Variants in IGFL2 observed in about 807,000 individuals in gnomAD.
IGFL2 encodes IGF like family member 2.
A neutral mutation model predicts 13.9 loss-of-function variants in IGFL2; 7 were observed. The observed-to-expected ratio is 0.51, with a 90% CI of 0.29 to 0.95. The LOEUF (loss-of-function observed/expected upper bound fraction) is 0.95. Among genes scored for constraint, IGFL2 ranks in the 40% least tolerant of loss-of-function variants. IGFL2 has a pLI of 0.08. For missense variants in IGFL2, 138 were observed against 147.8 expected, an observed-to-expected ratio of 0.93 and a Z score of 0.34; for synonymous variants, 55 against 55.8, an observed-to-expected ratio of 0.99 and a Z score of 0.07.
chr19:46,107,900 C>T, the IGFL2 span, among the ~76,000 whole-genome samples: 2,115 of 152,200 alleles, frequency 0.014, 53 homozygotes, highest in African/African-American at 0.048. Context: ...TGAAAAAGAG[C>T]CTAAATGCTA....
chr19:46,149,548 C>T (rs185492846), intron 1 of IGFL2, among the ~76,000 whole-genome samples: 81 of 152,048 alleles, frequency 5.3e-4, no homozygotes, highest in African/African-American at 1.9e-3. Context: ...CCTCTACCCT[C>T]ACCCTTGGCA....
chr19:46,080,951 C>T, the IGFL2 span, among the ~76,000 whole-genome samples: 2,049 of 152,308 alleles, frequency 0.013, 32 homozygotes, highest in Middle Eastern at 0.027. Context: ...CATTGATGGA[C>T]GGGAACCTGA....
the IGFL2 span, among the ~76,000 whole-genome samples, chr19:46,123,421 A>C: frequency 6.6e-6 from 1 of 151,066 alleles, no homozygotes; most frequent in Non-Finnish European, 1.5e-5. Flanking sequence ...TACCAGTTTT[A>C]AGTAAAGTAA....
the IGFL2 span, among the ~76,000 whole-genome samples, chr19:46,091,046 T>C: frequency 6.6e-6 from 1 of 152,220 alleles, no homozygotes; most frequent in African/African-American, 2.4e-5. Context: ...CTCTCTTCAA[T>C]GCATCTTTTC....
At chr19:46,182,621 C>G in the IGFL2 span, among the ~76,000 whole-genome samples, 3 of 152,188 alleles carry the variant, frequency 2.0e-5, no homozygotes, top group African/African-American at 7.2e-5. Flanking sequence ...GTTCCGTGCA[C>G]TGAACTTGTT....
chr19:46,213,355 C>T, the IGFL2 span: 1 of 152,712 alleles, frequency 6.5e-6, no homozygotes, highest in Non-Finnish European at 1.5e-5. Flanking sequence ...TGCAGGAGGG[C>T]CAGACATGCC....
chr19:46,191,648 C>G, the IGFL2 span, among the ~76,000 whole-genome samples: 1 of 152,008 alleles, frequency 6.6e-6, no homozygotes, highest in Non-Finnish European at 1.5e-5. Context: ...CTTTTTTTCT[C>G]CAAAAGAAAG....
chr19:46,139,889 A>G (rs1421061306), upstream of IGFL2, among the ~76,000 whole-genome samples: 5 of 151,890 alleles, frequency 3.3e-5, no homozygotes, highest in African/African-American at 9.7e-5. Flanking sequence ...TTATATGTGT[A>G]TATGTATATA....
At chr19:46,148,193 G>C, upstream of IGFL2, 5 of 1,268,056 alleles carry the variant, frequency 3.9e-6, no homozygotes, top group South Asian at 6.5e-5. Context: ...CCTAAATGTG[G>C]ATAAGTTCAT....
chr19:46,114,618 G>A, the IGFL2 span, among the ~76,000 whole-genome samples: 2 of 152,028 alleles, frequency 1.3e-5, no homozygotes, highest in Non-Finnish European at 2.9e-5. Flanking sequence ...TTCTTTTCTC[G>A]TGATAGTGAG....
At chr19:46,139,231 G>A (rs189659739), upstream of IGFL2, among the ~76,000 whole-genome samples, 215 of 151,172 alleles carry the variant, frequency 1.4e-3, 2 homozygotes, top group African/African-American at 4.9e-3. Context: ...CCTTCCTTTC[G>A]AAGATCTGCT....
chr19:46,164,203 GTGGT>G (rs1568436594), downstream of IGFL2: 2 of 151,880 alleles, frequency 1.3e-5, no homozygotes, highest in African/African-American at 4.8e-5. Context: ...CTGTCCCAGG[GTGGT>G]TACAAATCTC....
chr19:46,130,842 C>A, the IGFL2 span, among the ~76,000 whole-genome samples: 3 of 152,046 alleles, frequency 2.0e-5, no homozygotes, highest in Non-Finnish European at 4.4e-5. Context: ...GAGATACTAA[C>A]CTTTTGTCTG....
the IGFL2 span, among the ~76,000 whole-genome samples, chr19:46,190,649 C>A: frequency 2.0e-5 from 3 of 152,174 alleles, no homozygotes; most frequent in Admixed American, 2.0e-4. Flanking sequence ...ACCCTCCCAG[C>A]CCTCTTTGCC....
the IGFL2 span, among the ~76,000 whole-genome samples, chr19:46,079,783 GAC>G: frequency 6.6e-6 from 1 of 152,294 alleles, no homozygotes; most frequent in South Asian, 2.1e-4. Flanking sequence ...AAGCTCAGAT[GAC>G]AGATTTCTGC....
chr19:46,123,770 C>A, the IGFL2 span: 1 of 1,202,210 alleles, frequency 8.3e-7, no homozygotes, highest in Admixed American at 2.3e-5. Flanking sequence ...CCCCTGCTGC[C>A]ACCAGCCTGA....
the IGFL2 span, chr19:46,202,885 C>T: frequency 3.3e-5 from 5 of 152,234 alleles, no homozygotes; most frequent in Admixed American, 3.3e-4. Flanking sequence ...GCTGAGGACC[C>T]GAGGTCATGG....
the IGFL2 span, among the ~76,000 whole-genome samples, chr19:46,118,430 T>C: frequency 6.6e-6 from 1 of 152,208 alleles, no homozygotes; most frequent in Non-Finnish European, 1.5e-5. Context: ...GAGAGGCTCC[T>C]GGAATGTGTG....
At chr19:46,113,436 G>T in the IGFL2 span, 1 of 396,124 alleles carries the variant, frequency 2.5e-6, no homozygotes, top group South Asian at 1.9e-5. Context: ...TGAACAAATG[G>T]AATCCACGTA....
Sources: gnomAD v4.1 joint callset for allele counts (sites outside exome capture counted in the v4.1 genomes callset) on GRCh38, gnomAD v4.1.1 for gene constraint, MANE v1.5 for transcripts, NCBI Gene and HGNC (gene_info 2026-07-23, HGNC 2026-07-21) for gene names.